The following NFILZ variants were observed in gnomAD, a reference collection of about 807,000 sequenced individuals.
NFILZ encodes NFIL3 like basic leucine zipper.
chr19:8,676,074 G>A (rs2043108856), intron 4 of NFILZ, among the ~76,000 whole-genome samples: 1 of 152,178 alleles, frequency 6.6e-6, no homozygotes, highest in African/African-American at 2.4e-5. Flanking sequence ...GGGGAGATGG[G>A]TTTGAGTGAA....
intron 5 of NFILZ, among the ~76,000 whole-genome samples, 120 bp downstream of exon 5, chr19:8,676,576 C>T (rs952123774): frequency 1.1e-4 from 16 of 152,176 alleles, no homozygotes; most frequent in African/African-American, 3.4e-4. Context: ...TTTGTGGCCT[C>T]ACCCAATCTT....
At chr19:8,633,361 G>A (rs150845850) in intron 2 of NFILZ, among the ~76,000 whole-genome samples, 157 of 152,170 alleles carry the variant, frequency 1.0e-3, no homozygotes, top group African/African-American at 3.6e-3. Flanking sequence ...ACTTTACTCC[G>A]TGGACTCTCC....
At chr19:8,656,787 AG>A (rs1392999195) in intron 3 of NFILZ, among the ~76,000 whole-genome samples, 1 of 152,250 alleles carries the variant, frequency 6.6e-6, no homozygotes, top group East Asian at 1.9e-4. Flanking sequence ...AGGGAACTGA[AG>A]GGGGGTCTGG....
intron 3 of NFILZ, among the ~76,000 whole-genome samples, chr19:8,666,350 T>C (rs782132169): frequency 6.6e-6 from 1 of 151,118 alleles, no homozygotes; most frequent in South Asian, 2.1e-4. Flanking sequence ...TTTTTTTTGA[T>C]TTTTTTGTAG....
chr19:8,652,501 C>T lies in NFILZ; in HGVS notation c.-164+16755C>T, dbSNP rs144608624. ...TTAGTTCATACATGAACTCTAGTGCCGAATTCGAATGATATCTTTAAAATG... is the reference window on the plus strand; with the variant it reads ...TTAGTTCATACATGAACTCTAGTGCTGAATTCGAATGATATCTTTAAAATG... On this transcript the variant is annotated intron_variant, in intron 3 of 5. Coordinates refer to ENST00000691075, the MANE Select transcript of NFILZ (RefSeq NM_001378600.1). Among the ~76,000 whole-genome samples, 1,015 of 152,188 alleles carry T rather than the reference C, an allele frequency of 6.7e-3. 42 individuals are homozygous for T. The highest frequency in any genetic ancestry group is 0.051 in the Admixed American group (784 of 15,270).
At chr19:8,653,038 T>TTCTTTCTTTCTTTCTCTCTCCCTCTC (rs1555747925) in intron 3 of NFILZ, among the ~76,000 whole-genome samples, 1 of 90,594 alleles carries the variant, frequency 1.1e-5, no homozygotes, top group African/African-American at 4.7e-5. Flanking sequence ...CTTTCTTTCT[T>TTCTTTCTTTCTTTCTCTCTCCCTCTC]TCTCTCTCTC....
At chr19:8,632,802 A>G (rs1170958826) in intron 2 of NFILZ, among the ~76,000 whole-genome samples, 177 bp downstream of exon 2, 1 of 150,182 alleles carries the variant, frequency 6.7e-6, no homozygotes, top group Non-Finnish European at 1.5e-5. Flanking sequence ...GGCTCACTGC[A>G]ACCTCCGCCT....
intron 3 of NFILZ, among the ~76,000 whole-genome samples, chr19:8,653,045 TC>T (rs2042976003): frequency 1.5e-5 from 1 of 66,696 alleles, no homozygotes; most frequent in African/African-American, 6.2e-5. Context: ...TCTTTCTCTC[TC>T]TCTCTCTCTC....
chr19:8,650,712 A>T (rs1177992179), intron 3 of NFILZ, among the ~76,000 whole-genome samples: 1 of 152,064 alleles, frequency 6.6e-6, no homozygotes, highest in African/African-American at 2.4e-5. Context: ...GCTAAAAAAA[A>T]AGATCAGGAC....
intron 2 of NFILZ, among the ~76,000 whole-genome samples, chr19:8,635,081 G>A (rs935135484): frequency 6.6e-6 from 1 of 151,786 alleles, no homozygotes; most frequent in South Asian, 2.1e-4. Flanking sequence ...AGGCTGAGGC[G>A]GGTGGATCAC....
intron 3 of NFILZ, among the ~76,000 whole-genome samples, chr19:8,667,928 A>G (rs781895889): frequency 6.6e-6 from 1 of 151,966 alleles, no homozygotes; most frequent in Non-Finnish European, 1.5e-5. Context: ...GTTATACTAT[A>G]TATGTATTTT....
intron 3 of NFILZ, among the ~76,000 whole-genome samples, chr19:8,636,807 G>A (rs6512213): frequency 0.91 from 137,600 of 151,418 alleles, 62,846 homozygotes; most frequent in Non-Finnish European, 0.95. Context: ...GCCCAGGCTG[G>A]CCTCGAACTC....
At chr19:8,647,431 G>T (rs1555747171) in intron 3 of NFILZ, among the ~76,000 whole-genome samples, 1 of 152,132 alleles carries the variant, frequency 6.6e-6, no homozygotes, top group Non-Finnish European at 1.5e-5. Context: ...AATTAGCTGG[G>T]CATGGTGGCA....
intron 3 of NFILZ, among the ~76,000 whole-genome samples, chr19:8,645,300 A>AT (rs35280185): frequency 0.1 from 11,878 of 118,046 alleles, 684 homozygotes; most frequent in East Asian, 0.31. Flanking sequence ...CACCTGGGTG[A>AT]TTTTTTTTTT....
At chr19:8,670,927 G>A (rs1023597584) in intron 3 of NFILZ, among the ~76,000 whole-genome samples, 2 of 151,706 alleles carry the variant, frequency 1.3e-5, no homozygotes, top group South Asian at 4.2e-4. Context: ...CCTGGGAGGC[G>A]GAGGTTGCAG....
At chr19:8,675,547 A>G (rs782130120) in intron 4 of NFILZ, among the ~76,000 whole-genome samples, 1 of 152,190 alleles carries the variant, frequency 6.6e-6, no homozygotes, top group Non-Finnish European at 1.5e-5. Flanking sequence ...AACACTAGGC[A>G]CATGGGAATT....
chr19:8,646,237 A>G (rs550234320), intron 3 of NFILZ, among the ~76,000 whole-genome samples: 2 of 152,054 alleles, frequency 1.3e-5, no homozygotes, highest in African/African-American at 2.4e-5. Context: ...GGGTTTCACC[A>G]TGTTGGCCAG....
chr19:8,658,681 ATTCAT>A, intron 3 of NFILZ, among the ~76,000 whole-genome samples: 1 of 150,812 alleles, frequency 6.6e-6, no homozygotes, highest in Non-Finnish European at 1.5e-5. Flanking sequence ...TCATTCATTC[ATTCAT>A]TCATTCATTC....
At chr19:8,648,763 G>A (rs1261350301) in intron 3 of NFILZ, among the ~76,000 whole-genome samples, 2 of 151,398 alleles carry the variant, frequency 1.3e-5, no homozygotes, top group African/African-American at 2.4e-5. Context: ...GAGGGCAGGA[G>A]AATGGCTTGA....
Sources: gnomAD v4.1 joint callset for allele counts (sites outside exome capture counted in the v4.1 genomes callset) on GRCh38, gnomAD v4.1.1 for gene constraint, MANE v1.5 for transcripts, NCBI Gene and HGNC (gene_info 2026-07-23, HGNC 2026-07-21) for gene names.